GHRH: variants seen among roughly 807,000 people sequenced by gnomAD.
GHRH encodes growth hormone releasing hormone, also known as somatoliberin.
In GHRH, 7 loss-of-function variants were observed where a neutral mutation model predicts 15.6. The ratio of observed to expected loss-of-function variants is 0.45; its 90% CI spans 0.26 to 0.84. The LOEUF is 0.84. Among genes scored for constraint, GHRH ranks in the 40% least tolerant of loss-of-function variants. The probability of loss-of-function intolerance (pLI) is 0.18; values close to 1 mark genes in which losing one functional copy is unlikely to be tolerated. For missense variants in GHRH, 117 were observed against 138.0 expected, an observed-to-expected ratio of 0.85 and a Z score of 0.76; for synonymous variants, 54 against 50.4, an observed-to-expected ratio of 1.07 and a Z score of -0.30.
chr20:37,258,718 C>T lies in GHRH; in HGVS notation c.-19-1810G>A, dbSNP rs1049354979. On this transcript the variant is annotated intron_variant, in intron 1 of 4. Transcript: ENST00000373614. The surrounding 1 kb of genome is among the most constrained non-coding windows in gnomAD (Gnocchi z 4.1). ...ACAGGGATCTCACTACCCCCAGGCCCGGGAGCTTATTTCCAGATGGTTCTT... is the reference window on the plus strand; with the variant it reads ...ACAGGGATCTCACTACCCCCAGGCCTGGGAGCTTATTTCCAGATGGTTCTT... Among the ~76,000 whole-genome samples, 10 of 152,122 alleles carry T rather than the reference C, an allele frequency of 6.6e-5. No homozygotes were observed. The highest frequency in any genetic ancestry group is 2.1e-4 in the South Asian group (1 of 4,830).
rs202142637 is a variant in GHRH, at chr20:37,254,262, G to T, written c.256C>A (p.Gln86Lys). ...ATGCTCTCCAATTCCATTTGCTTTT[G>T]TTCTGCCCACATGCTGTCTACCTGA... is the stretch of plus-strand genomic sequence containing the variant. Reference protein sequence around the residue: ...GRQVDSMWAEQKQMELESILV... With the variant: ...GRQVDSMWAEKKQMELESILV... The change falls in exon 4 of 5, where the codon CAA becomes AAA. Residue 86 changes from glutamine (Q) to lysine (K), a missense_variant. Transcript: ENST00000373614. The T allele has an allele frequency of 2.7e-5, 43 of 1,614,124 alleles. 1 individual carries two copies. The Middle Eastern group carries it at 4.9e-4, about 19-fold the overall frequency.
chr20:37,260,078 A>C (rs2146752959), intron 1 of GHRH, among the ~76,000 whole-genome samples: 1 of 152,316 alleles, frequency 6.6e-6, no homozygotes, highest in Admixed American at 6.5e-5. Flanking sequence ...GAGTTGAAAC[A>C]ACCTCATAGG....
intron 4 of GHRH, among the ~76,000 whole-genome samples, chr20:37,253,599 TATTG>T (rs1211909454): frequency 2.6e-5 from 4 of 152,146 alleles, no homozygotes; most frequent in African/African-American, 7.2e-5. Context: ...ACTCTCCTAA[TATTG>T]ATTGATTGAT....
chr20:37,259,885 T>C (rs571820691), intron 1 of GHRH, among the ~76,000 whole-genome samples: 12 of 152,282 alleles, frequency 7.9e-5, no homozygotes, highest in Non-Finnish European at 1.8e-4. Context: ...GGTACAATGC[T>C]CTATTCACAG....
chr20:37,261,453 G>A (rs1486363435), intron 1 of GHRH, among the ~76,000 whole-genome samples: 1 of 152,166 alleles, frequency 6.6e-6, no homozygotes, highest in Non-Finnish European at 1.5e-5. Flanking sequence ...CCCGAAGCCT[G>A]CCCACGCATC....
At chr20:37,256,190 C>T (rs1458127723) in intron 3 of GHRH, among the ~76,000 whole-genome samples, 16 of 152,276 alleles carry the variant, frequency 1.1e-4, no homozygotes, top group Admixed American at 7.2e-4. Flanking sequence ...TTGTTACTGT[C>T]GGAGCCTAGC....
intron 3 of GHRH, among the ~76,000 whole-genome samples, chr20:37,255,495 C>T (rs563768655): frequency 6.6e-6 from 1 of 151,466 alleles, no homozygotes; most frequent in East Asian, 2.0e-4. Context: ...CCCGTCTCTA[C>T]TAAAATATAC....
At chr20:37,256,721 G>T in intron 2 of GHRH, 86 bp downstream of exon 2, 1 of 1,087,958 alleles carries the variant, frequency 9.2e-7, no homozygotes, top group Non-Finnish European at 1.4e-6. Context: ...GGGCCCAGCT[G>T]ATGGGCTGAG....
intron 4 of GHRH, among the ~76,000 whole-genome samples, chr20:37,252,996 C>T (rs2068630833): frequency 1.3e-5 from 2 of 152,378 alleles, no homozygotes; most frequent in South Asian, 4.1e-4. Flanking sequence ...CACGCCACTG[C>T]ACTCTAGCCT....
At position 37,256,923 on chromosome 20, in the gene GHRH, G is replaced by A. The variant is rs780058414; in HGVS notation, c.-19-15C>T. 6.7e-7 allele frequency: 1 copy of A among 1,500,708 alleles called. No individual in the cohort carries two copies. The highest frequency in any genetic ancestry group is 9.2e-7 in the Non-Finnish European group (1 of 1,087,514). 93.0% of individuals were successfully genotyped at this position (1,500,708 alleles called of 1,614,324 possible). ...CGGGGTGGCACCTGCAGAGTGACAG[G>A]AGGGGAAGGTCAGGTACAGCCACAG... On this transcript the variant is annotated splice_polypyrimidine_tract_variant and intron_variant, in intron 1 of 4. Coordinates refer to ENST00000373614, the MANE Select transcript of GHRH (RefSeq NM_021081.6).
At chr20:37,261,213 C>T (rs886896666) in intron 1 of GHRH, among the ~76,000 whole-genome samples, 10 of 152,112 alleles carry the variant, frequency 6.6e-5, no homozygotes, top group Non-Finnish European at 1.5e-4. Flanking sequence ...AGGAGACAGG[C>T]GTGGGGTAGC....
chr20:37,255,185 G>A (rs1024362352), intron 3 of GHRH, among the ~76,000 whole-genome samples: 2 of 152,190 alleles, frequency 1.3e-5, no homozygotes, highest in African/African-American at 4.8e-5. Flanking sequence ...TATAGATATA[G>A]AGTAAGCAAA....
chr20:37,254,927 G>A (rs1254430066), intron 3 of GHRH, among the ~76,000 whole-genome samples: 1 of 152,146 alleles, frequency 6.6e-6, no homozygotes, highest in African/African-American at 2.4e-5. Context: ...TCCCAGATCA[G>A]AAAAAGAAAT....
chr20:37,253,991 T>C (rs964295750), intron 4 of GHRH, among the ~76,000 whole-genome samples: 39 of 152,184 alleles, frequency 2.6e-4, no homozygotes, highest in Non-Finnish European at 5.6e-4. Flanking sequence ...CCTCAGATGA[T>C]CCACCCACCT....
rs2068660462 is a variant in GHRH, at chr20:37,256,896, C to G, written c.-7G>C. ...AGAACACCCAGAGTGGCATCCTTCACCCGGGGTGGCACCTGCAGAGTGACA... is the reference window on the plus strand; with the variant it reads ...AGAACACCCAGAGTGGCATCCTTCAGCCGGGGTGGCACCTGCAGAGTGACA... On this transcript the variant is annotated 5_prime_UTR_variant, in exon 2 of 5. Transcript: ENST00000373614. 1 of 1,602,952 alleles carries G rather than the reference C, an allele frequency of 6.2e-7. No homozygotes were observed. The highest frequency in any genetic ancestry group is 8.5e-7 in the Non-Finnish European group (1 of 1,174,714).
chr20:37,256,528 C>G, intron 2 of GHRH, 30 bp from the exon 3 acceptor site: 1 of 1,436,370 alleles, frequency 7.0e-7, no homozygotes. Context: ...GGTCAGAGGG[C>G]GGGGTGGAGG....
Position 37,256,468 on chromosome 20 carries a change from G to A in GHRH, c.114C>T (p.Thr38=), listed in dbSNP as rs780809718. Residue 38 remains threonine, a synonymous_variant, in exon 3 of 5, where the codon ACC becomes ACT. Coordinates refer to ENST00000373614, the MANE Select transcript of GHRH (RefSeq NM_021081.6). Reference sequence around the variant, plus strand: ...GGCCCAGCACCTTCCGGTAGCTGTTGGTGAAGATGGCATCTGCATACCGCC... The same window carrying A: ...GGCCCAGCACCTTCCGGTAGCTGTTAGTGAAGATGGCATCTGCATACCGCC... The part of the protein sequence containing the change: ...RMRRYADAIF[T]NSYRKVLGQL... 6.2e-7 allele frequency: 1 copy of A among 1,613,364 alleles called. No individual in the cohort carries two copies. The highest frequency in any genetic ancestry group is 8.5e-7 in the Non-Finnish European group (1 of 1,179,686).
chr20:37,260,399 CA>C (rs765888530), intron 1 of GHRH, among the ~76,000 whole-genome samples: 48 of 136,174 alleles, frequency 3.5e-4, no homozygotes, highest in Admixed American at 8.0e-4. Context: ...CCCATCTCTA[CA>C]AAAAAAAAAA....
At chr20:37,260,265 G>A (rs1479805137) in intron 1 of GHRH, among the ~76,000 whole-genome samples, 1 of 152,136 alleles carries the variant, frequency 6.6e-6, no homozygotes, top group African/African-American at 2.4e-5. Flanking sequence ...CCGAATCCAT[G>A]GGTTTGCAGA....
Sources: allele counts gnomAD v4.1 joint callset (sites outside exome capture counted in the v4.1 genomes callset), GRCh38; gene constraint gnomAD v4.1.1; non-coding constraint Gnocchi (gnomAD v3.1); transcripts MANE v1.5; gene names NCBI Gene and HGNC (gene_info 2026-07-23, HGNC 2026-07-21).